The following EMC1 variants were observed in gnomAD, a reference collection of about 807,000 sequenced individuals.
EMC1 encodes KIAA0090.
EMC1 carries 103 observed loss-of-function variants against 128.8 expected under a neutral mutation model. That is an observed-to-expected ratio of 0.80 (90% CI 0.68 to 0.94). The LOEUF (loss-of-function observed/expected upper bound fraction) is 0.94, where lower values mean the gene tolerates loss of function less well. Among genes scored for constraint, EMC1 ranks in the 40% least tolerant of loss-of-function variants. The probability of loss-of-function intolerance (pLI) is 0.00; values close to 1 mark genes in which losing one functional copy is unlikely to be tolerated. For synonymous variants in EMC1, 442 were observed against 490.4 expected (o/e 0.90, Z 1.30); for missense variants, 1,083 against 1,250.6 (o/e 0.87, Z 2.02).
rs751406128 is a variant in EMC1 at position 19,251,407 on chromosome 1, G to A, written c.95+8C>T. The A allele has an allele frequency of 1.2e-6, 2 of 1,612,294 alleles. No individual in the cohort carries two copies. The highest frequency in any genetic ancestry group is 1.7e-6 in the Non-Finnish European group (2 of 1,178,372). On this transcript the variant is annotated splice_region_variant and intron_variant, in intron 1 of 22. Coordinates refer to ENST00000477853, the MANE Select transcript of EMC1 (RefSeq NM_015047.3). ...CTTATCTCTCGAATATGTTCCACAC[G>A]TACGCACCAATCAAACTTGCCCACT...
intron 6 of EMC1, 109 bp from the exon 7 acceptor site, chr1:19,240,555 A>T (rs1171122844): frequency 3.2e-6 from 4 of 1,266,846 alleles, no homozygotes; most frequent in Non-Finnish European, 2.2e-6. Flanking sequence ...CTAAGCTCAA[A>T]GGTTCTTCAT....
rs2093620301 is a variant in EMC1 at position 19,244,007 on chromosome 1, G to C, written c.229C>G (p.His77Asp). Residue 77 changes from histidine to aspartate, a missense_variant, in exon 3 of 23, where the codon CAT becomes GAT. Transcript: ENST00000477853. Reference protein sequence around the residue: ...NSRTGEILWRHVDKGTAEGAV... With the variant: ...NSRTGEILWRDVDKGTAEGAV... ...CCTTCTGCCGTGCCCTTGTCAACATGGCGCCACACTGAGAGACATGAAAGT... is the reference window on the plus strand; with the variant it reads ...CCTTCTGCCGTGCCCTTGTCAACATCGCGCCACACTGAGAGACATGAAAGT... The C allele has an allele frequency of 1.9e-6, 3 of 1,614,050 alleles. No individual in the cohort carries two copies. The highest frequency in any genetic ancestry group is 2.5e-6 in the Non-Finnish European group (3 of 1,180,008).
Position 19,216,328 on chromosome 1 carries a change from C to T in EMC1, c.*2975G>A, listed in dbSNP as rs1251340732. ...GGAGCACATAACATGTACCCACACA[C>T]AAATAATGAAACTAGTTCAGATTAG... On this transcript the variant is annotated 3_prime_UTR_variant, in exon 23 of 23. Coordinates refer to ENST00000477853, the MANE Select transcript of EMC1 (RefSeq NM_015047.3). 1 of 151,876 alleles carries T rather than the reference C, an allele frequency of 6.6e-6. No individual in the cohort carries two copies. Among genetic ancestry groups the T allele is most frequent in the African/African-American group, 2.4e-5 (1 of 41,336 alleles). 9.4% of individuals were successfully genotyped at this position (151,876 alleles called of 1,614,324 possible).
intron 12 of EMC1, among the ~76,000 whole-genome samples, 181 bp from the exon 13 acceptor site, chr1:19,235,433 T>C (rs1246010801): frequency 6.6e-6 from 1 of 152,214 alleles, no homozygotes; most frequent in African/African-American, 2.4e-5. Context: ...CTGGGCACAG[T>C]GGCTCACGCC....
intron 8 of EMC1, 168 bp downstream of exon 8, chr1:19,239,650 A>G: frequency 1.5e-6 from 1 of 650,532 alleles, no homozygotes; most frequent in Non-Finnish European, 2.6e-6. Context: ...GAGGAAATAC[A>G]CCATTTCTAT....
At position 19,239,753 on chromosome 1, in the gene EMC1, C is replaced by T; in HGVS notation, c.954+65G>A. 5.2e-6 allele frequency: 8 copies of T among 1,531,714 alleles called. No individual in the cohort carries two copies. In the East Asian group the frequency reaches 1.8e-4, roughly 35 times the overall value. 94.9% of individuals were successfully genotyped at this position (1,531,714 alleles called of 1,614,324 possible). A position where few individuals can be genotyped will look rare whatever the true frequency, so the allele number is the denominator to read the frequency against. On this transcript the variant is annotated intron_variant, in intron 8 of 22. Transcript: ENST00000477853. ...AACGTTTCCAGATTCAAAAGCACTG[C>T]CTTCTAGCATCCATGTCTTGGAGAG...
chr1:19,232,843 A>T, intron 14 of EMC1, 70 bp from the exon 15 acceptor site: 1 of 1,607,812 alleles, frequency 6.2e-7, no homozygotes, highest in Non-Finnish European at 8.5e-7. Flanking sequence ...GTCCTTGAAA[A>T]CTAGAACCAG....
chr1:19,249,256 T>C (rs538978436), intron 1 of EMC1, among the ~76,000 whole-genome samples: 1 of 144,298 alleles, frequency 6.9e-6, no homozygotes, highest in African/African-American at 2.4e-5. Context: ...AGCCTTTACA[T>C]TTACTCACCA....
At chr1:19,224,809 C>T (rs1027792963) in intron 18 of EMC1, among the ~76,000 whole-genome samples, 1 of 152,224 alleles carries the variant, frequency 6.6e-6, no homozygotes, top group Admixed American at 6.5e-5. Context: ...GCCCTCTGCC[C>T]TCAGCAGGCC....
chr1:19,220,813 TAGGA>T lies in EMC1; in HGVS notation c.2619_2622del (p.Pro874ArgfsTer21), dbSNP rs869320624. 2 of 1,613,262 alleles carry T rather than the reference TAGGA, an allele frequency of 1.2e-6. No homozygotes were observed. The highest frequency in any genetic ancestry group is 3.3e-5 in the Admixed American group (2 of 59,932). On this transcript the variant is annotated frameshift_variant, in exon 21 of 23. Transcript: ENST00000477853. LOFTEE classifies it high-confidence loss of function. The stretch of plus-strand genomic sequence containing the variant: ...GGGCGGCGGGGATCCAGCAAAGCCT[TAGGA>T]AGGGAAAGAATTGCTCCAGAAGGTA...
intron 21 of EMC1, chr1:19,220,417 C>T (rs2093422622): frequency 5.7e-6 from 1 of 176,980 alleles, no homozygotes; most frequent in Admixed American, 5.9e-5. Flanking sequence ...CTCCTTCAGG[C>T]CTTCACTCAA....
chr1:19,246,734 C>A (rs1159069546), intron 1 of EMC1, among the ~76,000 whole-genome samples: 1 of 152,090 alleles, frequency 6.6e-6, no homozygotes, highest in Non-Finnish European at 1.5e-5. Flanking sequence ...GAGCCAAGAT[C>A]ATGCCACTGT....
chr1:19,240,472 A>G, intron 6 of EMC1, 26 bp from the exon 7 acceptor site: 1 of 1,612,558 alleles, frequency 6.2e-7, no homozygotes, highest in Non-Finnish European at 8.5e-7. Context: ...CGTTAACAGG[A>G]AGCTCGTGAA....
At position 19,231,361 on chromosome 1, in the gene EMC1, G is replaced by A. The variant is rs966605939; in HGVS notation, c.1844C>T (p.Ala615Val). The change falls in exon 16 of 23, where the codon GCT becomes GTT. Residue 615 changes from alanine to valine, a missense_variant. Coordinates refer to ENST00000477853, the MANE Select transcript of EMC1 (RefSeq NM_015047.3). Reference sequence around the variant, plus strand: ...GATGGGGCGCTTCAGCACTGGGGGAGCTACCTGACTCCACTTCCCAAAAAT... The same window carrying A: ...GATGGGGCGCTTCAGCACTGGGGGAACTACCTGACTCCACTTCCCAAAAAT... ...NPIFGKWSQV[A>V]PPVLKRPILQ... is the part of the protein sequence containing the mutation. The A allele has an allele frequency of 6.2e-7, 1 of 1,612,500 alleles. No individual in the cohort carries two copies. Among genetic ancestry groups the A allele is most frequent in the African/African-American group, 1.3e-5 (1 of 74,788 alleles).
At chr1:19,237,795 G>A (rs1012392463) in intron 11 of EMC1, among the ~76,000 whole-genome samples, 1 of 152,246 alleles carries the variant, frequency 6.6e-6, no homozygotes, top group Non-Finnish European at 1.5e-5. Context: ...CAATTAATGT[G>A]TAAGTTAAAA....
Position 19,220,746 on chromosome 1 carries a change from T to G in EMC1, c.2672+18A>C. The G allele has an allele frequency of 1.3e-6, 2 of 1,599,320 alleles. No individual in the cohort carries two copies. Among genetic ancestry groups the G allele is most frequent in the Non-Finnish European group, 1.7e-6 (2 of 1,170,282 alleles). On this transcript the variant is annotated intron_variant, in intron 21 of 22. Coordinates refer to ENST00000477853, the MANE Select transcript of EMC1 (RefSeq NM_015047.3). The stretch of plus-strand genomic sequence containing the variant: ...TATGTAAGGTCAGAGCCTTCAGCAC[T>G]GCCCATGAGGGTCTCACCTGCTTTG...
At chr1:19,220,703 T>C in intron 21 of EMC1, 61 bp downstream of exon 21, 3 of 1,344,574 alleles carry the variant, frequency 2.2e-6, no homozygotes, top group Non-Finnish European at 3.1e-6. Flanking sequence ...GAACCAAGCT[T>C]AATCAGTGAG....
chr1:19,228,153 C>T (rs1395628912), intron 17 of EMC1, among the ~76,000 whole-genome samples: 6 of 144,910 alleles, frequency 4.1e-5, no homozygotes, highest in Admixed American at 7.3e-5. Context: ...TGCAGTGAGC[C>T]GAGACTGCAC....
intron 12 of EMC1, among the ~76,000 whole-genome samples, chr1:19,236,829 G>A (rs569470507): frequency 4.0e-5 from 6 of 151,440 alleles, no homozygotes; most frequent in Non-Finnish European, 8.8e-5. Context: ...TTAGCTGGTC[G>A]TGGTGGCACA....
Sources: gnomAD v4.1 joint callset for allele counts (sites outside exome capture counted in the v4.1 genomes callset) on GRCh38, gnomAD v4.1.1 for gene constraint, MANE v1.5 for transcripts, NCBI Gene and HGNC (gene_info 2026-07-23, HGNC 2026-07-21) for gene names.